SGCD: variants seen among roughly 807,000 people sequenced by gnomAD.
SGCD encodes delta-sarcoglycan.
Under a neutral mutation model 36.6 loss-of-function variants are expected in SGCD, and 18 were observed. The observed-to-expected ratio is 0.49, with a 90% CI of 0.34 to 0.73. SGCD has a LOEUF of 0.73. Ranked by LOEUF, SGCD falls within the 30% of genes least tolerant of loss-of-function variation. SGCD has a pLI of 0.01. For missense variants in SGCD, 387 were observed against 346.7 expected (o/e 1.12, Z -0.92); for synonymous variants, 133 against 130.6 (o/e 1.02, Z -0.12).
At chr5:156,382,279 C>A (rs1580902872) in intron 3 of SGCD, among the ~76,000 whole-genome samples, 1 of 152,112 alleles carries the variant, frequency 6.6e-6, no homozygotes, top group Non-Finnish European at 1.5e-5. Context: ...CACTCCCCTG[C>A]TGAAAGAAGC....
At chr5:156,635,525 C>G (rs926985327) in intron 6 of SGCD, among the ~76,000 whole-genome samples, 3 of 151,974 alleles carry the variant, frequency 2.0e-5, no homozygotes, top group Admixed American at 6.6e-5. Flanking sequence ...CCCAGCCATC[C>G]CATTACTGGG....
intron 7 of SGCD, among the ~76,000 whole-genome samples, chr5:156,754,921 A>T (rs1757281023): frequency 6.6e-6 from 1 of 152,258 alleles, no homozygotes. Context: ...CATATTCTAC[A>T]AGTTTTGATA....
intron 6 of SGCD, among the ~76,000 whole-genome samples, chr5:156,628,672 T>A (rs1762519677): frequency 6.6e-6 from 1 of 152,228 alleles, no homozygotes; most frequent in Non-Finnish European, 1.5e-5. Flanking sequence ...TTTCTACTTC[T>A]GCCATTCTAA....
At chr5:155,793,764 G>T in the SGCD span, among the ~76,000 whole-genome samples, 4 of 151,942 alleles carry the variant, frequency 2.6e-5, no homozygotes, top group South Asian at 2.1e-4. Context: ...AGCCAGGCTG[G>T]TCTCAAACTC....
chr5:156,661,791 G>A (rs926463726), intron 7 of SGCD, among the ~76,000 whole-genome samples: 5 of 151,866 alleles, frequency 3.3e-5, no homozygotes, highest in African/African-American at 9.7e-5. Flanking sequence ...TTGTTCCTTG[G>A]TTAAAGGGAC....
intron 4 of SGCD, among the ~76,000 whole-genome samples, chr5:156,578,954 C>A (rs1760110574): frequency 6.6e-6 from 1 of 152,308 alleles, no homozygotes; most frequent in South Asian, 2.1e-4. Context: ...TTGCCTTCTG[C>A]TAACTTTTGA....
intron 6 of SGCD, among the ~76,000 whole-genome samples, chr5:156,623,425 GAA>G (rs1191154472): frequency 1.3e-5 from 2 of 152,200 alleles, no homozygotes; most frequent in African/African-American, 4.8e-5. Flanking sequence ...CGAGATTTCA[GAA>G]AAAGAGTCGT....
chr5:156,132,893 A>G (rs2127606988), intron 3 of SGCD, among the ~76,000 whole-genome samples: 1 of 152,324 alleles, frequency 6.6e-6, no homozygotes, highest in South Asian at 2.1e-4. Context: ...AAACATGGAG[A>G]GGATCAGCAG....
At chr5:156,423,372 T>TA (rs1773496092) in intron 3 of SGCD, among the ~76,000 whole-genome samples, 2 of 109,078 alleles carry the variant, frequency 1.8e-5, no homozygotes, top group Admixed American at 1.2e-4. Flanking sequence ...TATATTATAT[T>TA]TTATTATAAT....
At chr5:155,728,473 G>A in the SGCD span, among the ~76,000 whole-genome samples, 1 of 152,234 alleles carries the variant, frequency 6.6e-6, no homozygotes, top group Non-Finnish European at 1.5e-5. Context: ...ACGGCGGATT[G>A]AAGCGAGCTG....
intron 3 of SGCD, among the ~76,000 whole-genome samples, chr5:156,156,025 T>C (rs1034463287): frequency 4.6e-5 from 7 of 151,710 alleles, no homozygotes; most frequent in African/African-American, 1.7e-4. Flanking sequence ...ATGGGCCGAA[T>C]GTGCATTGAT....
At chr5:156,621,367 AT>A (rs1762239461) in intron 6 of SGCD, among the ~76,000 whole-genome samples, 1 of 152,042 alleles carries the variant, frequency 6.6e-6, no homozygotes, top group Non-Finnish European at 1.5e-5. Context: ...TAATTTTTGT[AT>A]TTTTAGTAGA....
the SGCD span, among the ~76,000 whole-genome samples, chr5:155,828,486 T>C: frequency 6.6e-6 from 1 of 152,178 alleles, no homozygotes; most frequent in Non-Finnish European, 1.5e-5. Flanking sequence ...AGAAAATATC[T>C]TGGTTTTCTC....
chr5:156,103,014 AC>A (rs1163100279), intron 1 of SGCD, among the ~76,000 whole-genome samples: 1 of 152,186 alleles, frequency 6.6e-6, no homozygotes, highest in Non-Finnish European at 1.5e-5. Flanking sequence ...TTAATAATTT[AC>A]CCCAAAGCCA....
At chr5:155,896,344 G>T (rs1260562832) in intron 1 of SGCD, among the ~76,000 whole-genome samples, 1 of 151,882 alleles carries the variant, frequency 6.6e-6, no homozygotes, top group East Asian at 1.9e-4. Context: ...GGCTGGGTGT[G>T]AATCCCAGCA....
At chr5:155,730,691 G>A in the SGCD span, among the ~76,000 whole-genome samples, 1 of 152,164 alleles carries the variant, frequency 6.6e-6, no homozygotes, top group Non-Finnish European at 1.5e-5. Flanking sequence ...TGGAAACAAA[G>A]TGATGGACAC....
intron 7 of SGCD, among the ~76,000 whole-genome samples, chr5:156,723,794 G>A (rs1755629538): frequency 6.6e-6 from 1 of 152,014 alleles, no homozygotes; most frequent in African/African-American, 2.4e-5. Flanking sequence ...GCCATGTTAA[G>A]TTTTTTCACT....
chr5:155,889,257 A>G (rs1756071790), intron 1 of SGCD, among the ~76,000 whole-genome samples: 1 of 152,222 alleles, frequency 6.6e-6, no homozygotes, highest in Non-Finnish European at 1.5e-5. Context: ...GTAACCTCAT[A>G]TGATAGATTT....
At chr5:156,743,376 T>C (rs1178281835) in intron 7 of SGCD, among the ~76,000 whole-genome samples, 4 of 152,214 alleles carry the variant, frequency 2.6e-5, no homozygotes, top group African/African-American at 7.2e-5. Context: ...CCTCCCAAAG[T>C]GCTGGAATTA....
Sources: allele counts gnomAD v4.1 joint callset (sites outside exome capture counted in the v4.1 genomes callset), GRCh38; gene constraint gnomAD v4.1.1; transcripts MANE v1.5; gene names NCBI Gene and HGNC (gene_info 2026-07-23, HGNC 2026-07-21).